SLC26A3: variants seen among roughly 807,000 people sequenced by gnomAD.
The protein encoded by SLC26A3 is chloride anion exchanger.
In SLC26A3, 64 loss-of-function variants were observed where a neutral mutation model predicts 85.6. The ratio of observed to expected loss-of-function variants is 0.75; its 90% CI spans 0.61 to 0.92. The LOEUF is 0.92. Among genes scored for constraint, SLC26A3 ranks in the 40% least tolerant of loss-of-function variants. The pLI, the probability that SLC26A3 is intolerant of heterozygous loss-of-function variation, is 0.00. For missense variants in SLC26A3, 922 were observed against 927.3 expected (o/e 0.99, Z 0.07); for synonymous variants, 349 against 336.0 (o/e 1.04, Z -0.42).
rs142761906 is a variant in SLC26A3, at chr7:107,783,318, A to C, written c.1006T>G (p.Phe336Val). The change falls in exon 9 of 21, where the codon TTC becomes GTC. Residue 336 changes from phenylalanine to valine, a missense_variant. Transcript: ENST00000340010. ...QPPITPDVET[F>V]QNTVGDCFGI... is the part of the protein sequence containing the mutation. The stretch of plus-strand genomic sequence containing the variant: ...AAGCAATCTCCTACGGTGTTTTGGA[A>C]AGTCTCCACGTCAGGTGTAATAGGG... 6.2e-7 allele frequency: 1 copy of C among 1,614,080 alleles called. No individual in the cohort carries two copies. Among genetic ancestry groups the C allele is most frequent in the African/African-American group, 1.3e-5 (1 of 74,940 alleles).
chr7:107,768,708 G>GAT (rs1369058104), intron 18 of SLC26A3, among the ~76,000 whole-genome samples: 1 of 152,126 alleles, frequency 6.6e-6, no homozygotes, highest in African/African-American at 2.4e-5. Context: ...ATATGAGAGA[G>GAT]ATATAGATCA....
intron 13 of SLC26A3, among the ~76,000 whole-genome samples, chr7:107,777,479 A>G (rs761137417): frequency 6.6e-6 from 1 of 152,130 alleles, no homozygotes; most frequent in Non-Finnish European, 1.5e-5. Flanking sequence ...AGTCCCAGCT[A>G]CTTGGGAGGC....
rs939626567 is a variant in SLC26A3 at position 107,793,723 on chromosome 7, T to C, written c.271+19A>G. On this transcript the variant is annotated intron_variant, in intron 3 of 20. Transcript: ENST00000340010. ...GAAGAATTTTATTGTATATAAATTATACTTAAAAAAAATTTTACCTTGTAG... is the reference window on the plus strand; with the variant it reads ...GAAGAATTTTATTGTATATAAATTACACTTAAAAAAAATTTTACCTTGTAG... 13 of 1,582,240 alleles carry C rather than the reference T, an allele frequency of 8.2e-6. No homozygotes were observed. Among genetic ancestry groups the C allele is most frequent in the Non-Finnish European group, 1.1e-5 (13 of 1,159,876 alleles).
chr7:107,793,086 A>G (rs973562060), intron 3 of SLC26A3, among the ~76,000 whole-genome samples: 18 of 152,364 alleles, frequency 1.2e-4, no homozygotes, highest in African/African-American at 3.8e-4. Context: ...AAGATGGACA[A>G]TAACAAGTGT....
Position 107,774,061 on chromosome 7 carries a change from G to T in SLC26A3, c.1866C>A (p.Thr622=), listed in dbSNP as rs1438455286. The T allele has an allele frequency of 1.2e-6, 2 of 1,614,094 alleles. No individual in the cohort carries two copies. Among genetic ancestry groups the T allele is most frequent in the Non-Finnish European group, 1.7e-6 (2 of 1,179,982 alleles). The part of the protein sequence containing the change: ...QIEVLDQPIN[T]TDLPFHIDWN... ...AGTCAATGTGGAAAGGCAGGTCTGT[G>T]GTATTGATTGGCTGGTCCAGTACTT... Residue 622 remains threonine (T), a synonymous_variant, in exon 17 of 21, where the codon ACC becomes ACA. Coordinates refer to ENST00000340010, the MANE Select transcript of SLC26A3 (RefSeq NM_000111.3).
chr7:107,800,227 G>A (rs529028678), intron 1 of SLC26A3, among the ~76,000 whole-genome samples: 128 of 152,294 alleles, frequency 8.4e-4, no homozygotes, highest in African/African-American at 2.9e-3. Context: ...GGGTGCAGTG[G>A]CTCATGCCTG....
At chr7:107,794,275 G>A in intron 2 of SLC26A3, 104 bp downstream of exon 2, 1 of 1,293,062 alleles carries the variant, frequency 7.7e-7, no homozygotes, top group Admixed American at 1.7e-5. Flanking sequence ...AAGGACTGTA[G>A]GCTGTGGACT....
intron 18 of SLC26A3, among the ~76,000 whole-genome samples, chr7:107,770,956 C>T (rs1361751452): frequency 1.3e-5 from 2 of 152,074 alleles, no homozygotes; most frequent in Admixed American, 1.3e-4. Flanking sequence ...CGGAAAAATT[C>T]CTGAAGAAGG....
intron 11 of SLC26A3, among the ~76,000 whole-genome samples, chr7:107,782,209 A>G (rs1241814109): frequency 1.4e-4 from 22 of 152,178 alleles, no homozygotes. Flanking sequence ...TTTGCTTTCC[A>G]GGGTCTGATG....
chr7:107,782,655 A>C (rs1285455437), intron 11 of SLC26A3, 142 bp downstream of exon 11: 15 of 845,248 alleles, frequency 1.8e-5, no homozygotes, highest in South Asian at 1.6e-4. Flanking sequence ...TTTTTGGCTC[A>C]TACAGAGTAT....
At chr7:107,774,501 C>T (rs1233361899) in intron 16 of SLC26A3, among the ~76,000 whole-genome samples, 1 of 152,198 alleles carries the variant, frequency 6.6e-6, no homozygotes, top group Non-Finnish European at 1.5e-5. Flanking sequence ...CTGCAATGAG[C>T]TGTGATCGCA....
intron 11 of SLC26A3, among the ~76,000 whole-genome samples, chr7:107,781,825 T>C (rs976894534): frequency 6.6e-6 from 1 of 152,192 alleles, no homozygotes; most frequent in Non-Finnish European, 1.5e-5. Context: ...AATAGACATT[T>C]GTGGGCTGTA....
intron 9 of SLC26A3, 40 bp downstream of exon 9, chr7:107,783,165 A>G (rs779318811): frequency 4.3e-6 from 7 of 1,614,020 alleles, no homozygotes; most frequent in Non-Finnish European, 5.9e-6. Context: ...AATATTATTT[A>G]AAGTTGCCCA....
At position 107,782,541 on chromosome 7, in the gene SLC26A3, T is replaced by C. The variant is rs1298679794; in HGVS notation, c.1311+256A>G. 2.0e-5 allele frequency among the ~76,000 whole-genome samples: 3 copies of C among 152,194 alleles called. No individual in the cohort carries two copies. The East Asian group carries it at 5.8e-4, about 29-fold the overall frequency. ...CCAGGGTGCCCTCCTATTTCAACAT[T>C]AATTCTATTTGGGGCTATGCACATG... On this transcript the variant is annotated intron_variant, in intron 11 of 20. Coordinates refer to ENST00000340010, the MANE Select transcript of SLC26A3 (RefSeq NM_000111.3).
chr7:107,788,487 A>G (rs1794335106), intron 6 of SLC26A3, among the ~76,000 whole-genome samples: 1 of 152,192 alleles, frequency 6.6e-6, no homozygotes, highest in South Asian at 2.1e-4. Flanking sequence ...TTCTAAAAGA[A>G]TGAGACATGC....
chr7:107,772,260 G>T (rs1794041143), intron 17 of SLC26A3, 152 bp from the exon 18 acceptor site: 1 of 627,988 alleles, frequency 1.6e-6, no homozygotes, highest in African/African-American at 1.8e-5. Flanking sequence ...AGATACTAAA[G>T]TTAAAAACAA....
At chr7:107,771,705 T>A (rs1584401409) in intron 18 of SLC26A3, among the ~76,000 whole-genome samples, 1 of 152,106 alleles carries the variant, frequency 6.6e-6, no homozygotes, top group Admixed American at 6.5e-5. Flanking sequence ...CATCAGCAGG[T>A]GAAGCTCAAC....
intron 17 of SLC26A3, among the ~76,000 whole-genome samples, chr7:107,773,115 A>T (rs1794053909): frequency 6.6e-6 from 1 of 152,206 alleles, no homozygotes; most frequent in Non-Finnish European, 1.5e-5. Flanking sequence ...ACACACTGCA[A>T]TCTGATTGTT....
intron 6 of SLC26A3, among the ~76,000 whole-genome samples, chr7:107,789,113 C>CTTTTTTTT (rs1444704449): frequency 3.2e-5 from 4 of 124,784 alleles, no homozygotes; most frequent in African/African-American, 1.2e-4. Context: ...CTTTTCTTTT[C>CTTTTTTTT]TTTTTCTTTT....
Sources: gnomAD v4.1 joint callset for allele counts (sites outside exome capture counted in the v4.1 genomes callset) on GRCh38, gnomAD v4.1.1 for gene constraint, MANE v1.5 for transcripts, NCBI Gene and HGNC (gene_info 2026-07-23, HGNC 2026-07-21) for gene names.